The following BRINP3 variants were observed in gnomAD, a reference collection of about 807,000 sequenced individuals.
The protein encoded by BRINP3 is BMP/retinoic acid-inducible neural-specific protein 3.
Under a neutral mutation model 71.0 loss-of-function variants are expected in BRINP3, and 19 were observed. The ratio of observed to expected loss-of-function variants is 0.27; its 90% confidence interval spans 0.19 to 0.39. BRINP3 has a LOEUF of 0.39. Among genes scored for constraint, BRINP3 ranks in the 10% least tolerant of loss-of-function variants. The probability of loss-of-function intolerance (pLI) is 1.00; values close to 1 mark genes in which losing one functional copy is unlikely to be tolerated. For missense variants in BRINP3, 959 were observed against 940.8 expected (o/e 1.02, Z -0.25); for synonymous variants, 380 against 337.7 (o/e 1.13, Z -1.37).
In BRINP3 at chr1:190,290,949, A is replaced by C. The variant is rs1426345698; in HGVS notation, c.237-9199T>G. ...TATTTGTGGGAAGCATGGAGGATGC[A>C]TGGGAGAGACAGAAAAAGATATGGA... On this transcript the variant is annotated intron_variant, in intron 2 of 7. Coordinates refer to ENST00000367462, the MANE Select transcript of BRINP3 (RefSeq NM_199051.3). 2.0e-5 allele frequency among the ~76,000 whole-genome samples: 3 copies of C among 151,714 alleles called. No individual in the cohort carries two copies. In the East Asian group the frequency reaches 5.8e-4, roughly 29 times the overall value.
intron 4 of BRINP3, among the ~76,000 whole-genome samples, chr1:190,259,636 AAATAAATAAATAAATAAATAAAT>A (rs1241959955): frequency 6.3e-5 from 7 of 110,384 alleles, no homozygotes; most frequent in Admixed American, 4.1e-4. Flanking sequence ...ATAAATAAAT[AAATAAATAAATAAATAAATAAAT>A]AAATAAAATA....
rs555756683 is a variant in BRINP3, at chr1:190,128,596, A to G, written c.1185-29462T>C. ...TAGAAGTCTGTCCAATATCTGACAA[A>G]AATGGTAGAATGAGATATAATTCCA... On this transcript the variant is annotated intron_variant, in intron 7 of 7. Coordinates refer to ENST00000367462, the MANE Select transcript of BRINP3 (RefSeq NM_199051.3). Among the ~76,000 whole-genome samples, 22 of 151,894 alleles carry G rather than the reference A, an allele frequency of 1.4e-4. No individual in the cohort carries two copies. In the South Asian group the frequency reaches 4.6e-3, roughly 31 times the overall value.
chr1:190,382,502 C>A (rs915672931), intron 2 of BRINP3, among the ~76,000 whole-genome samples: 66 of 152,158 alleles, frequency 4.3e-4, no homozygotes, highest in African/African-American at 1.5e-3. Flanking sequence ...CAAAAGATCA[C>A]AATGAGCAAA....
chr1:190,324,387 C>A (rs1327599135), intron 2 of BRINP3, among the ~76,000 whole-genome samples: 1 of 151,848 alleles, frequency 6.6e-6, no homozygotes, highest in Non-Finnish European at 1.5e-5. Context: ...GTGAATTCAC[C>A]ACAAGCCACT....
chr1:190,328,071 A>C (rs1666728532), intron 2 of BRINP3, among the ~76,000 whole-genome samples: 1 of 152,170 alleles, frequency 6.6e-6, no homozygotes, highest in South Asian at 2.1e-4. Context: ...ATTAAAGCAG[A>C]AAGTTTTTAG....
At chr1:190,337,005 G>A (rs1268530922) in intron 2 of BRINP3, among the ~76,000 whole-genome samples, 1 of 151,326 alleles carries the variant, frequency 6.6e-6, no homozygotes, top group African/African-American at 2.4e-5. Flanking sequence ...CAAAACTATA[G>A]CTACATACAA....
chr1:190,235,510 T>G (rs1009844605), intron 4 of BRINP3, among the ~76,000 whole-genome samples: 1 of 152,038 alleles, frequency 6.6e-6, no homozygotes, highest in African/African-American at 2.4e-5. Context: ...CCATTCTTAC[T>G]TAGGGTGTGA....
chr1:190,426,975 C>A (rs1673748724), intron 2 of BRINP3, among the ~76,000 whole-genome samples: 1 of 151,750 alleles, frequency 6.6e-6, no homozygotes, highest in Non-Finnish European at 1.5e-5. Flanking sequence ...TCAGAGTAAT[C>A]TCCACAGATG....
intron 3 of BRINP3, among the ~76,000 whole-genome samples, chr1:190,274,806 A>T (rs1409245053): frequency 6.6e-6 from 1 of 151,686 alleles, no homozygotes; most frequent in African/African-American, 2.4e-5. Flanking sequence ...TGGGGGAAAA[A>T]AGTGTTTTAG....
chr1:190,118,157 A>G (rs1653310711), intron 7 of BRINP3, among the ~76,000 whole-genome samples: 1 of 151,956 alleles, frequency 6.6e-6, no homozygotes, highest in Non-Finnish European at 1.5e-5. Context: ...CAATATAAAC[A>G]ACTCTGATTT....
In BRINP3 at chr1:190,281,397, G is replaced by C. The variant is rs74129269; in HGVS notation, c.427+163C>G. On this transcript the variant is annotated intron_variant, in intron 3 of 7. Transcript: ENST00000367462. ...CATCTGCTTCACAACTGTGAACACT[G>C]TGTGGGACATTTAATAATCACTCAA... 5.8e-3 allele frequency among the ~76,000 whole-genome samples: 884 copies of C among 152,070 alleles called. 7 individuals carry two copies. Among genetic ancestry groups the C allele is most frequent in the African/African-American group, 0.02 (826 of 41,516 alleles).
chr1:190,469,215 C>T (rs998408052), intron 1 of BRINP3, among the ~76,000 whole-genome samples: 5 of 150,914 alleles, frequency 3.3e-5, no homozygotes, highest in Non-Finnish European at 7.4e-5. Flanking sequence ...CATTTTGAAA[C>T]ATATAGTCTT....
chr1:190,469,810 T>C (rs1677008316), intron 1 of BRINP3, among the ~76,000 whole-genome samples: 1 of 151,100 alleles, frequency 6.6e-6, no homozygotes, highest in African/African-American at 2.4e-5. Context: ...TAAAAATATA[T>C]GCATAAGGTA....
In BRINP3 at chr1:190,373,582, G is replaced by A. The variant is rs75154766; in HGVS notation, c.236+81073C>T. Reference sequence around the variant, plus strand: ...GTGATTTTGCTTGCTGGATAGAATGGATAGAATATATTTCTAACTCCAAAA... The same window carrying A: ...GTGATTTTGCTTGCTGGATAGAATGAATAGAATATATTTCTAACTCCAAAA... On this transcript the variant is annotated intron_variant, in intron 2 of 7. Coordinates refer to ENST00000367462, the MANE Select transcript of BRINP3 (RefSeq NM_199051.3). Among the ~76,000 whole-genome samples, 243 of 151,342 alleles carry A rather than the reference G, an allele frequency of 1.6e-3. 8 individuals carry two copies. The East Asian group carries it at 0.046, about 29-fold the overall frequency.
intron 2 of BRINP3, among the ~76,000 whole-genome samples, chr1:190,288,055 T>C (rs990478656): frequency 2.0e-5 from 3 of 152,044 alleles, no homozygotes; most frequent in Non-Finnish European, 4.4e-5. Flanking sequence ...TGTAAAAACA[T>C]ACAAACATGC....
At chr1:190,454,539 A>C in intron 2 of BRINP3, 116 bp downstream of exon 2, 1 of 746,038 alleles carries the variant, frequency 1.3e-6, no homozygotes, top group Non-Finnish European at 2.2e-6. Flanking sequence ...TGCATGGTAA[A>C]TAACAACCCT....
At chr1:190,425,704 C>A (rs952869062) in intron 2 of BRINP3, among the ~76,000 whole-genome samples, 1 of 151,764 alleles carries the variant, frequency 6.6e-6, no homozygotes, top group African/African-American at 2.4e-5. Context: ...TAGCCACGTA[C>A]AATGTTGCAC....
At chr1:190,258,535 T>G (rs971718994) in intron 4 of BRINP3, among the ~76,000 whole-genome samples, 9 of 151,834 alleles carry the variant, frequency 5.9e-5, no homozygotes, top group African/African-American at 1.9e-4. Context: ...AAGAGAAAAC[T>G]CATGTAACTA....
chr1:190,284,101 G>A (rs1663245082), intron 2 of BRINP3, among the ~76,000 whole-genome samples: 1 of 151,894 alleles, frequency 6.6e-6, no homozygotes, highest in South Asian at 2.1e-4. Flanking sequence ...ATGACTGAGA[G>A]TAAACACATG....
Sources: allele counts gnomAD v4.1 joint callset (sites outside exome capture counted in the v4.1 genomes callset), GRCh38; gene constraint gnomAD v4.1.1; transcripts MANE v1.5; gene names NCBI Gene and HGNC (gene_info 2026-07-23, HGNC 2026-07-21).